The following IPMK variants were observed in gnomAD, a reference collection of about 807,000 sequenced individuals.
The protein encoded by IPMK is inositol polyphosphate multikinase, also known as inositol 1,3,4,6-tetrakisphosphate 5-kinase.
A neutral mutation model predicts 45.8 loss-of-function variants in IPMK; 17 were observed. The observed-to-expected ratio is 0.37, with a 90% confidence interval of 0.25 to 0.56. The LOEUF (loss-of-function observed/expected upper bound fraction) is 0.56. IPMK is among the 20% of genes least tolerant of loss of function. The probability of loss-of-function intolerance (pLI) is 0.79; values close to 1 mark genes in which losing one functional copy is unlikely to be tolerated. For synonymous variants in IPMK, 180 were observed against 184.3 expected, an observed-to-expected ratio of 0.98 and a Z score of 0.19; for missense variants, 399 against 498.0, an observed-to-expected ratio of 0.80 and a Z score of 1.89.
intron 1 of IPMK, among the ~76,000 whole-genome samples, chr10:58,250,115 G>A (rs1170933298): frequency 3.9e-5 from 6 of 152,174 alleles, no homozygotes; most frequent in Admixed American, 3.9e-4. Context: ...AAGCCAGGTA[G>A]TATGATGCCT....
intron 3 of IPMK, among the ~76,000 whole-genome samples, chr10:58,223,004 C>T (rs563824281): frequency 1.8e-4 from 28 of 152,000 alleles, no homozygotes; most frequent in Non-Finnish European, 2.8e-4. Context: ...GGGGAAAAGG[C>T]GGAAGGTGGG....
rs914004944 is a variant in IPMK, at chr10:58,196,689, C to T, written c.638G>A (p.Arg213Lys). ...TAAGCAGTACCCATTATGAAAAAAT[C>T]TGGAGACTCCTATAAAAAGAAAAAT... ...TKETIKDGVSRFFHNGYCLRK... is the reference protein window; with the variant it reads ...TKETIKDGVSKFFHNGYCLRK... The change falls in exon 6 of 6, where the codon AGA (arginine) becomes AAA (lysine). Residue 213 changes from arginine to lysine, a missense_variant. Coordinates refer to ENST00000373935, the MANE Select transcript of IPMK (RefSeq NM_152230.5). The T allele has an allele frequency of 1.3e-5, 20 of 1,568,378 alleles. No homozygotes were observed. Among genetic ancestry groups the T allele is most frequent in the Non-Finnish European group, 1.6e-5 (19 of 1,162,290 alleles).
At position 58,216,188 on chromosome 10, in the gene IPMK, T is replaced by C; in HGVS notation, c.503A>G (p.Tyr168Cys). The C allele has an allele frequency of 6.2e-7, 1 of 1,610,748 alleles. No homozygotes were observed. The highest frequency in any genetic ancestry group is 8.5e-7 in the Non-Finnish European group (1 of 1,178,796). ...GAACCCAATCTCTTCCATTAATGGG[T>C]ACTTGCTGACCTGTTGCTGAATCTT... ...SEKIQQQVSK[Y>C]PLMEEIGFLV... The change falls in exon 4 of 6, where the codon TAC (tyrosine) becomes TGC (cysteine). Residue 168 changes from tyrosine to cysteine, a missense_variant. Physicochemically the swap from Tyr to Cys is radical, Grantham distance 194. Coordinates refer to ENST00000373935, the MANE Select transcript of IPMK (RefSeq NM_152230.5).
chr10:58,258,137 C>CT (rs1839000125), intron 1 of IPMK, among the ~76,000 whole-genome samples: 1 of 152,042 alleles, frequency 6.6e-6, no homozygotes, highest in African/African-American at 2.4e-5. Context: ...GGTGAAACCC[C>CT]CATCTCTACT....
intron 4 of IPMK, chr10:58,212,762 T>C (rs931365197): frequency 1.4e-5 from 3 of 219,948 alleles, no homozygotes. Flanking sequence ...TAATCTTTGA[T>C]GTAGTTCTTG....
At chr10:58,235,707 T>C (rs1042515317) in intron 2 of IPMK, among the ~76,000 whole-genome samples, 1 of 152,096 alleles carries the variant, frequency 6.6e-6, no homozygotes, top group Non-Finnish European at 1.5e-5. Context: ...AAATACCTAA[T>C]GTAAATGACG....
intron 1 of IPMK, among the ~76,000 whole-genome samples, chr10:58,251,741 C>G (rs1052885415): frequency 6.6e-6 from 1 of 152,144 alleles, no homozygotes; most frequent in Non-Finnish European, 1.5e-5. Flanking sequence ...AACAAATGGC[C>G]TCCTTTGTCC....
At chr10:58,243,711 C>A (rs1838734953) in intron 1 of IPMK, among the ~76,000 whole-genome samples, 1 of 152,208 alleles carries the variant, frequency 6.6e-6, no homozygotes, top group Non-Finnish European at 1.5e-5. Flanking sequence ...GTGATCTCGG[C>A]TCGCTACAAC....
At chr10:58,205,253 C>T (rs779723348) in intron 4 of IPMK, among the ~76,000 whole-genome samples, 6 of 150,748 alleles carry the variant, frequency 4.0e-5, no homozygotes, top group South Asian at 4.2e-4. Flanking sequence ...TTGGAGGCTT[C>T]GACAAATACT....
At chr10:58,267,296 G>T in intron 1 of IPMK, 126 bp downstream of exon 1, 1 of 869,260 alleles carries the variant, frequency 1.2e-6, no homozygotes, top group Non-Finnish European at 1.8e-6. Flanking sequence ...AGCGGAAGAG[G>T]CCAGGGATTT....
chr10:58,261,992 G>A (rs1301297294), intron 1 of IPMK, among the ~76,000 whole-genome samples: 1 of 152,068 alleles, frequency 6.6e-6, no homozygotes, highest in Non-Finnish European at 1.5e-5. Flanking sequence ...CTATCGCAAG[G>A]ACAGAAAACC....
intron 3 of IPMK, 49 bp downstream of exon 3, chr10:58,226,994 G>T (rs1162405453): frequency 7.8e-7 from 1 of 1,278,692 alleles, no homozygotes; most frequent in Non-Finnish European, 1.1e-6. Flanking sequence ...CTTTAAAGAA[G>T]CTACACTCAT....
rs868867200 is a variant in IPMK at position 58,195,163 on chromosome 10, T to C, written c.*913A>G. On this transcript the variant is annotated 3_prime_UTR_variant, in exon 6 of 6. Transcript: ENST00000373935. The stretch of plus-strand genomic sequence containing the variant: ...ACTACCACTTAACTAAATGGGGACA[T>C]ATAAATACATAAATTTTTAAAGAAA... 4 of 152,048 alleles carry C rather than the reference T, an allele frequency of 2.6e-5. No individual in the cohort carries two copies. In the East Asian group the frequency reaches 5.8e-4, roughly 22 times the overall value. 9.4% of individuals were successfully genotyped at this position (152,048 alleles called of 1,614,324 possible).
chr10:58,238,331 AC>A (rs1397839013), intron 1 of IPMK, among the ~76,000 whole-genome samples: 2 of 152,250 alleles, frequency 1.3e-5, no homozygotes, highest in Non-Finnish European at 2.9e-5. Context: ...TATAGATAGT[AC>A]CAGGGCATCT....
chr10:58,196,847 C>T, intron 5 of IPMK, 149 bp from the exon 6 acceptor site: 1 of 634,284 alleles, frequency 1.6e-6, no homozygotes, highest in South Asian at 2.4e-5. Context: ...GAATTCTAGT[C>T]AGATATAGAA....
At chr10:58,242,938 C>CTCTCTCTCTCTCCCTCCTACTCTGCCG in intron 1 of IPMK, among the ~76,000 whole-genome samples, 1 of 151,752 alleles carries the variant, frequency 6.6e-6, no homozygotes. Context: ...CTTCCCCCTT[C>CTCTCTCTCTCTCCCTCCTACTCTGCCG]TCTCTCTCTC....
At chr10:58,257,268 G>A (rs1838984027) in intron 1 of IPMK, among the ~76,000 whole-genome samples, 1 of 152,168 alleles carries the variant, frequency 6.6e-6, no homozygotes, top group African/African-American at 2.4e-5. Flanking sequence ...TCCAAGGCGG[G>A]TTGATCGCCT....
intron 1 of IPMK, among the ~76,000 whole-genome samples, chr10:58,245,074 AT>A (rs201693045): frequency 1.6e-5 from 2 of 127,310 alleles, no homozygotes; most frequent in African/African-American, 7.9e-5. Context: ...AAATAAACAA[AT>A]TAAAATAAAA....
chr10:58,215,227 C>G (rs1264358177), intron 4 of IPMK, among the ~76,000 whole-genome samples: 3 of 152,096 alleles, frequency 2.0e-5, no homozygotes, highest in Non-Finnish European at 4.4e-5. Flanking sequence ...CATTTTAGAC[C>G]ATCTATACCC....
Sources: allele counts gnomAD v4.1 joint callset (sites outside exome capture counted in the v4.1 genomes callset), GRCh38; gene constraint gnomAD v4.1.1; transcripts MANE v1.5; gene names NCBI Gene and HGNC (gene_info 2026-07-23, HGNC 2026-07-21).